The following ATAD3C variants were observed in gnomAD, a reference collection of about 807,000 sequenced individuals.
ATAD3C encodes the protein ATPase family AAA domain containing 3C.
In ATAD3C, 38 loss-of-function variants were observed where a neutral mutation model predicts 46.3. The observed-to-expected ratio is 0.82, with a 90% CI of 0.63 to 1.08. ATAD3C has a LOEUF of 1.08. Among genes scored for constraint, ATAD3C ranks in the 50% least tolerant of loss-of-function variants. The pLI, the probability that ATAD3C is intolerant of heterozygous loss-of-function variation, is 0.00. For missense variants in ATAD3C, 563 were observed against 572.7 expected, an observed-to-expected ratio of 0.98 and a Z score of 0.17; for synonymous variants, 220 against 236.4, an observed-to-expected ratio of 0.93 and a Z score of 0.63.
chr1:1,451,804 G>A (rs1372182867), intron 1 of ATAD3C, among the ~76,000 whole-genome samples: 1 of 152,088 alleles, frequency 6.6e-6, no homozygotes, highest in East Asian at 1.9e-4. Flanking sequence ...GCCCTTGTCA[G>A]GGAAGCCACA....
intron 10 of ATAD3C, among the ~76,000 whole-genome samples, chr1:1,461,917 C>T (rs1420008568): frequency 1.3e-5 from 2 of 152,046 alleles, no homozygotes; most frequent in African/African-American, 2.4e-5. Context: ...CTGTTGCTGG[C>T]GGTGGGTGCA....
Position 1,457,177 on chromosome 1 carries a change from C to G in ATAD3C, c.738C>G (p.Ala246=). 1 of 1,613,554 alleles carries G rather than the reference C, an allele frequency of 6.2e-7. No individual in the cohort carries two copies. Among genetic ancestry groups the G allele is most frequent in the Non-Finnish European group, 8.5e-7 (1 of 1,179,656 alleles). The change falls in exon 8 of 12, where the codon GCC becomes GCG. Residue 246 remains alanine (A), a synonymous_variant. Coordinates refer to ENST00000378785, the MANE Select transcript of ATAD3C (RefSeq NM_001039211.3). ...CGGACGCCTTCCTTCGGAAGCGAGCCACTGTGAGTGTCACTAAGCCTCTGT... is the reference window on the plus strand; with the variant it reads ...CGGACGCCTTCCTTCGGAAGCGAGCGACTGTGAGTGTCACTAAGCCTCTGT... ...DEADAFLRKR[A]TEKISEDLRA... is the part of the protein sequence containing the mutation.
intron 11 of ATAD3C, among the ~76,000 whole-genome samples, chr1:1,466,999 T>C (rs1639155527): frequency 6.6e-6 from 1 of 152,016 alleles, no homozygotes; most frequent in African/African-American, 2.4e-5. Flanking sequence ...TTTCAACTTT[T>C]ATAGTTTGAA....
Position 1,459,073 on chromosome 1 carries a change from T to G in ATAD3C, c.742-88T>G. 6.4e-7 allele frequency: 1 copy of G among 1,566,730 alleles called. No individual in the cohort carries two copies. Among genetic ancestry groups the G allele is most frequent in the Non-Finnish European group, 8.6e-7 (1 of 1,156,334 alleles). ...AAAGTGTCGCCATGTCCCTGCTCCC[T>G]GCAGGAGGGAGGCCTGTGGGACTTT... On this transcript the variant is annotated intron_variant, in intron 8 of 11. Coordinates refer to ENST00000378785, the MANE Select transcript of ATAD3C (RefSeq NM_001039211.3). This position sits in a 1 kb window ranked among gnomAD's most constrained non-coding sequence, Gnocchi z 4.9.
At position 1,468,371 on chromosome 1, in the gene ATAD3C, C is replaced by G; in HGVS notation, c.1090-13C>G. ...CCATGGCGGCCTCCCTCAGCTCCCT[C>G]TCTCCCCACTAGGCCACGGCGTATG... is the stretch of plus-strand genomic sequence containing the variant. On this transcript the variant is annotated splice_polypyrimidine_tract_variant and intron_variant, in intron 11 of 11. Coordinates refer to ENST00000378785, the MANE Select transcript of ATAD3C (RefSeq NM_001039211.3). 6.2e-7 allele frequency: 1 copy of G among 1,600,730 alleles called. No individual in the cohort carries two copies. The highest frequency in any genetic ancestry group is 1.3e-5 in the African/African-American group (1 of 74,138).
In ATAD3C at chr1:1,468,439, G is replaced by A; in HGVS notation, c.1145G>A (p.Cys382Tyr). The A allele has an allele frequency of 1.9e-6, 3 of 1,613,200 alleles. No homozygotes were observed. The highest frequency in any genetic ancestry group is 1.7e-4 in the Middle Eastern group (1 of 6,060). ...GVLTEAMMDACVQDFVQQHQQ... is the reference protein window; with the variant it reads ...GVLTEAMMDAYVQDFVQQHQQ... ...CTGACCGAGGCCATGATGGACGCCT[G>A]CGTGCAAGACTTTGTCCAGCAGCAC... Residue 382 changes from cysteine (C) to tyrosine (Y), a missense_variant, in exon 12 of 12, where the codon TGC (cysteine) becomes TAC (tyrosine). By Grantham distance (194) the Cys-to-Tyr change is radical. Around this residue, in one of 3 missense-constraint regions of ATAD3C, gnomAD observed 273 missense variants for 253.5 expected, o/e 1.08. Transcript: ENST00000378785.
chr1:1,458,625 G>A (rs933759415), intron 8 of ATAD3C, among the ~76,000 whole-genome samples: 2 of 151,676 alleles, frequency 1.3e-5, no homozygotes, highest in African/African-American at 4.8e-5. Flanking sequence ...GTTTCCCCTT[G>A]TTGCCCAGGC....
intron 11 of ATAD3C, among the ~76,000 whole-genome samples, chr1:1,465,101 G>A (rs1390285487): frequency 6.6e-6 from 1 of 151,252 alleles, no homozygotes; most frequent in Non-Finnish European, 1.5e-5. Context: ...GGCCAGGCTG[G>A]TCTCGGTCTC....
chr1:1,463,141 A>G (rs1484290786), intron 11 of ATAD3C, among the ~76,000 whole-genome samples: 1 of 152,048 alleles, frequency 6.6e-6, no homozygotes, highest in African/African-American at 2.4e-5. Flanking sequence ...GGGCCCAGAC[A>G]CATGGGTGGG....
At chr1:1,460,330 C>T (rs1639034536) in intron 9 of ATAD3C, among the ~76,000 whole-genome samples, 1 of 152,016 alleles carries the variant, frequency 6.6e-6, no homozygotes. Flanking sequence ...ACCCACCCGC[C>T]TCGGCCTCCC....
chr1:1,469,975 ATT>A lies in ATAD3C; in HGVS notation c.*1446_*1447del, dbSNP rs1639217615. Reference sequence around the variant, plus strand: ...CCCACCCTTAAGAAGGTTCTTTGTCATTCTCCCCACCCTTGAGAATGTACTTT... The same window carrying A: ...CCCACCCTTAAGAAGGTTCTTTGTCACTCCCCACCCTTGAGAATGTACTTT... On this transcript the variant is annotated 3_prime_UTR_variant, in exon 12 of 12. Transcript: ENST00000378785. 1 of 151,734 alleles carries A rather than the reference ATT, an allele frequency of 6.6e-6. No homozygotes were observed. The highest frequency in any genetic ancestry group is 2.4e-5 in the African/African-American group (1 of 41,288). 9.4% of individuals were successfully genotyped at this position (151,734 alleles called of 1,614,324 possible).
chr1:1,453,652 T>TTA (rs1400793217), intron 3 of ATAD3C, among the ~76,000 whole-genome samples: 1 of 150,996 alleles, frequency 6.6e-6, no homozygotes, highest in Admixed American at 6.6e-5. Context: ...CATTTTTTTT[T>TTA]TTTTGAGATG....
chr1:1,470,037 C>G lies in ATAD3C; in HGVS notation c.*1507C>G, dbSNP rs901471698. The G allele has an allele frequency of 2.0e-5, 3 of 151,920 alleles. No homozygotes were observed. The highest frequency in any genetic ancestry group is 7.3e-5 in the African/African-American group (3 of 41,354). The allele number at this position is 151,920 out of a possible 1,614,324, so 9.4% of individuals were successfully genotyped here. ...ATCCCCTGCCCGCAAAACATTGTCC[C>G]TAACTCCACCGCCTATCCCAAAACC... On this transcript the variant is annotated 3_prime_UTR_variant, in exon 12 of 12. Coordinates refer to ENST00000378785, the MANE Select transcript of ATAD3C (RefSeq NM_001039211.3).
chr1:1,454,616 AC>A lies in ATAD3C; in HGVS notation c.378+119del, dbSNP rs1638922057. ...CCTTCCCTTTCCCCGGATAACAGGC[AC>A]CCGCACGCTGCTTCACGGGTGGGTT... is the stretch of plus-strand genomic sequence containing the variant. On this transcript the variant is annotated intron_variant, in intron 4 of 11. Transcript: ENST00000378785. 5.5e-6 allele frequency: 8 copies of A among 1,449,794 alleles called. No individual in the cohort carries two copies. In the East Asian group the frequency reaches 2.3e-4, roughly 41 times the overall value. 89.8% of individuals were successfully genotyped at this position (1,449,794 alleles called of 1,614,324 possible).
At chr1:1,454,640 G>C (rs971599972) in intron 4 of ATAD3C, 140 bp downstream of exon 4, 7 of 1,392,704 alleles carry the variant, frequency 5.0e-6, no homozygotes, top group African/African-American at 3.1e-5. Flanking sequence ...TCACGGGTGG[G>C]TTTTCCTGTC....
chr1:1,456,848 C>CCCTCTGG (rs1442350540), intron 7 of ATAD3C, among the ~76,000 whole-genome samples: 3 of 151,726 alleles, frequency 2.0e-5, no homozygotes, highest in Non-Finnish European at 4.4e-5. Context: ...TGGCACCCTC[C>CCCTCTGG]CCTCTGGCCT....
chr1:1,457,223 G>T (rs1248505632), intron 8 of ATAD3C, 43 bp downstream of exon 8: 1 of 1,612,320 alleles, frequency 6.2e-7, no homozygotes, highest in African/African-American at 1.3e-5. Flanking sequence ...GAGGGTGGTG[G>T]GGTGTGTGCG....
rs934054616 is a variant in ATAD3C at position 1,459,905 on chromosome 1, C to T, written c.812+674C>T. Among the ~76,000 whole-genome samples, 6 of 151,910 alleles carry T rather than the reference C, an allele frequency of 3.9e-5. No individual in the cohort carries two copies. Among genetic ancestry groups the T allele is most frequent in the Non-Finnish European group, 5.9e-5 (4 of 67,950 alleles). ...GGAGGATCAAGTCCTGCTGGTCGGC[C>T]GTGGCTGACTCCTCAGGCACGTTGG... On this transcript the variant is annotated intron_variant, in intron 9 of 11. Coordinates refer to ENST00000378785, the MANE Select transcript of ATAD3C (RefSeq NM_001039211.3). This position sits in a 1 kb window ranked among gnomAD's most constrained non-coding sequence, Gnocchi z 4.9.
intron 4 of ATAD3C, among the ~76,000 whole-genome samples, chr1:1,454,869 CTCTCCACACGGGGGTGGCAGTG>C (rs1638927442): frequency 6.6e-6 from 1 of 151,874 alleles, no homozygotes; most frequent in Non-Finnish European, 1.5e-5. Context: ...AAGGTGCCTG[CTCTCCACACGGGGGTGGCAGTG>C]TCTCCACAGG....
Sources: gnomAD v4.1 joint callset for allele counts (sites outside exome capture counted in the v4.1 genomes callset) on GRCh38, gnomAD v4.1.1 for gene constraint, gnomAD v4.1.1 regional missense constraint, Gnocchi (gnomAD v3.1) non-coding constraint, MANE v1.5 for transcripts, NCBI Gene and HGNC (gene_info 2026-07-23, HGNC 2026-07-21) for gene names.